Variants in LINGO2 observed in about 807,000 individuals in gnomAD.
LINGO2 encodes the protein leucine-rich repeat and immunoglobulin-like domain-containing nogo receptor-interacting protein 2.
A neutral mutation model predicts 30.6 loss-of-function variants in LINGO2; 14 were observed. The observed-to-expected ratio is 0.46, with a 90% CI of 0.30 to 0.72. The LOEUF is 0.72. LINGO2 is among the 30% of genes least tolerant of loss of function. LINGO2 has a pLI of 0.07. For synonymous variants in LINGO2, 317 were observed against 288.5 expected (o/e 1.10, Z -1.00); for missense variants, 729 against 751.7 (o/e 0.97, Z 0.35).
At chr9:28,654,771 G>A (rs1828260633) in intron 1 of LINGO2, among the ~76,000 whole-genome samples, 1 of 151,980 alleles carries the variant, frequency 6.6e-6, no homozygotes, top group Non-Finnish European at 1.5e-5. Flanking sequence ...CTTTACCACT[G>A]TCAGTCGTCT....
intron 3 of LINGO2, among the ~76,000 whole-genome samples, chr9:28,368,175 A>AT (rs927637341): frequency 8.6e-5 from 13 of 151,228 alleles, no homozygotes; most frequent in Admixed American, 3.3e-4. Flanking sequence ...GCATTGTCTT[A>AT]TTTTTTTTCT....
the LINGO2 span, among the ~76,000 whole-genome samples, chr9:28,993,851 A>G: frequency 6.6e-6 from 1 of 152,300 alleles, no homozygotes; most frequent in South Asian, 2.1e-4. Flanking sequence ...TAAATTAGGT[A>G]CTGATGGGAC....
At chr9:28,305,820 A>T (rs1824327456) in intron 3 of LINGO2, among the ~76,000 whole-genome samples, 1 of 152,044 alleles carries the variant, frequency 6.6e-6, no homozygotes, top group African/African-American at 2.4e-5. Context: ...TGTGGCGTTC[A>T]TTCATTCATC....
At chr9:28,094,150 A>G (rs1051859787) in intron 4 of LINGO2, among the ~76,000 whole-genome samples, 12 of 152,246 alleles carry the variant, frequency 7.9e-5, no homozygotes, top group Middle Eastern at 3.4e-3. Context: ...AAAATGTGGT[A>G]TAATGAGGGT....
chr9:28,648,009 A>C (rs1273042300), intron 1 of LINGO2, among the ~76,000 whole-genome samples: 2 of 151,846 alleles, frequency 1.3e-5, no homozygotes, highest in East Asian at 1.9e-4. Context: ...AGGGCTGCAC[A>C]ATAGTGGAAA....
chr9:29,013,369 T>C, the LINGO2 span, among the ~76,000 whole-genome samples: 1 of 139,996 alleles, frequency 7.1e-6, no homozygotes, highest in African/African-American at 2.5e-5. Context: ...AGAGAGCATC[T>C]AATTTAATAT....
chr9:29,132,459 G>C, the LINGO2 span, among the ~76,000 whole-genome samples: 1 of 152,082 alleles, frequency 6.6e-6, no homozygotes, highest in Non-Finnish European at 1.5e-5. Flanking sequence ...CCTCTGATTT[G>C]TCGCCTTCCA....
At chr9:27,981,571 A>AAAAAAAAAG (rs1820875880) in intron 5 of LINGO2, among the ~76,000 whole-genome samples, 3 of 74,232 alleles carry the variant, frequency 4.0e-5, no homozygotes, top group South Asian at 4.9e-4. Flanking sequence ...AAAAAAAAAG[A>AAAAAAAAAG]AAAAAAAAAG....
At chr9:28,141,925 T>G (rs4573372) in intron 4 of LINGO2, among the ~76,000 whole-genome samples, 66,304 of 151,948 alleles carry the variant, frequency 0.44, 15,827 homozygotes, top group East Asian at 0.64. Context: ...AAACACAAAA[T>G]TCTTAGCTAG....
intron 1 of LINGO2, among the ~76,000 whole-genome samples, chr9:28,595,139 C>T (rs1825115038): frequency 6.6e-6 from 1 of 152,012 alleles, no homozygotes; most frequent in South Asian, 2.1e-4. Context: ...TGAGCTCAGG[C>T]TTCATATCTA....
the LINGO2 span, among the ~76,000 whole-genome samples, chr9:28,736,661 AGGT>A: frequency 2.0e-5 from 3 of 151,986 alleles, no homozygotes; most frequent in Non-Finnish European, 4.4e-5. Flanking sequence ...GTGTGGTGGC[AGGT>A]GCCTGTAATC....
At chr9:28,451,471 T>G (rs1824644666) in intron 2 of LINGO2, among the ~76,000 whole-genome samples, 1 of 151,838 alleles carries the variant, frequency 6.6e-6, no homozygotes, top group Non-Finnish European at 1.5e-5. Context: ...ATAAAACAAC[T>G]GAAGAAATTC....
the LINGO2 span, among the ~76,000 whole-genome samples, chr9:29,066,669 T>C: frequency 1.3e-5 from 2 of 151,832 alleles, no homozygotes; most frequent in Non-Finnish European, 2.9e-5. Context: ...GCAAGGGTGG[T>C]GATATAGAGA....
At chr9:29,180,681 C>T in the LINGO2 span, among the ~76,000 whole-genome samples, 1 of 152,160 alleles carries the variant, frequency 6.6e-6, no homozygotes, top group East Asian at 1.9e-4. Flanking sequence ...ATGAAGGAAT[C>T]ACTTCTTAAT....
chr9:29,105,055 C>T, the LINGO2 span, among the ~76,000 whole-genome samples: 4 of 152,058 alleles, frequency 2.6e-5, no homozygotes, highest in East Asian at 1.9e-4. Flanking sequence ...ATCTTTTGTA[C>T]CCTAAACCCA....
Position 28,379,677 on chromosome 9 carries a change from T to A in LINGO2, c.-278-6809A>T, listed in dbSNP as rs139590127. Among the ~76,000 whole-genome samples, 124 of 152,162 alleles carry A rather than the reference T, an allele frequency of 8.1e-4. 1 individual carries two copies. The highest frequency in any genetic ancestry group is 2.7e-3 in the African/African-American group (114 of 41,526). On this transcript the variant is annotated intron_variant, in intron 2 of 5. Coordinates refer to ENST00000379992, the Ensembl canonical transcript of LINGO2. ...ATTGTATGCTTTATTATTATACCTGTAGTATATAGAGGAAGGTAGGAAATG... is the reference window on the plus strand; with the variant it reads ...ATTGTATGCTTTATTATTATACCTGAAGTATATAGAGGAAGGTAGGAAATG...
intron 5 of LINGO2, among the ~76,000 whole-genome samples, chr9:27,991,396 G>A (rs1346458800): frequency 6.6e-6 from 1 of 152,010 alleles, no homozygotes; most frequent in African/African-American, 2.4e-5. Flanking sequence ...GACCTTTCAA[G>A]GTTATTCCAT....
intron 1 of LINGO2, among the ~76,000 whole-genome samples, chr9:28,668,466 C>T (rs1371978547): frequency 6.6e-6 from 1 of 151,484 alleles, no homozygotes; most frequent in Non-Finnish European, 1.5e-5. Flanking sequence ...TTTTAAATCC[C>T]ATAAAAGTGA....
intron 5 of LINGO2, among the ~76,000 whole-genome samples, chr9:27,985,616 CAT>C (rs201793839): frequency 0.062 from 9,362 of 151,622 alleles, 579 homozygotes; most frequent in African/African-American, 0.14. Context: ...CAAGATAAGG[CAT>C]ACAGTAGGTG....
Sources: allele counts gnomAD v4.1 joint callset (sites outside exome capture counted in the v4.1 genomes callset), GRCh38; gene constraint gnomAD v4.1.1; transcripts MANE v1.5; gene names NCBI Gene and HGNC (gene_info 2026-07-23, HGNC 2026-07-21).